EYS: variants seen among roughly 807,000 people sequenced by gnomAD.
The protein encoded by EYS is protein eyes shut homolog.
A neutral mutation model predicts 282.1 loss-of-function variants in EYS; 250 were observed. The observed-to-expected ratio is 0.89, with a 90% confidence interval of 0.80 to 0.98. EYS has a LOEUF of 0.98. EYS is among the 50% of genes least tolerant of loss of function. The pLI, the probability that EYS is intolerant of heterozygous loss-of-function variation, is 0.00. For synonymous variants in EYS, 1,355 were observed against 1,282.9 expected (o/e 1.06, Z -1.20); for missense variants, 4,016 against 3,709.0 (o/e 1.08, Z -2.15).
chr6:65,512,533 T>C (rs1766935499), intron 2 of EYS, among the ~76,000 whole-genome samples: 1 of 151,188 alleles, frequency 6.6e-6, no homozygotes, highest in African/African-American at 2.4e-5. Context: ...AAAGTAATTT[T>C]AATTATAAAA....
At chr6:64,256,627 C>G (rs936993217) in intron 30 of EYS, among the ~76,000 whole-genome samples, 1 of 151,996 alleles carries the variant, frequency 6.6e-6, no homozygotes, top group Non-Finnish European at 1.5e-5. Context: ...TGACGTTCAT[C>G]TGTCCTGTGG....
At chr6:63,880,525 A>ATCTATCTATCTATCTG (rs1371469990) in intron 35 of EYS, among the ~76,000 whole-genome samples, 7 of 151,712 alleles carry the variant, frequency 4.6e-5, no homozygotes, top group African/African-American at 1.7e-4. Flanking sequence ...CTATCTATCT[A>ATCTATCTATCTATCTG]TCTATTCTGT....
intron 26 of EYS, among the ~76,000 whole-genome samples, chr6:64,554,600 G>C (rs1347116058): frequency 1.3e-5 from 2 of 151,750 alleles, no homozygotes; most frequent in Non-Finnish European, 2.9e-5. Flanking sequence ...AACAACTTGT[G>C]GAATAGGAAA....
rs180932580 is a variant in EYS at position 65,467,640 on chromosome 6, T to C, written c.862+22954A>G. Among the ~76,000 whole-genome samples the C allele has an allele frequency of 4.2e-4, 64 of 152,206 alleles. 1 individual carries two copies. The highest frequency in any genetic ancestry group is 3.0e-3 in the Admixed American group (46 of 15,270). Reference sequence around the variant, plus strand: ...TTTATGAGATTTCATGAATTAACAGTATACTGTCTGTTCTCTCCAAATTAT... The same window carrying C: ...TTTATGAGATTTCATGAATTAACAGCATACTGTCTGTTCTCTCCAAATTAT... On this transcript the variant is annotated intron_variant, in intron 5 of 42. Coordinates refer to ENST00000503581, the MANE Select transcript of EYS (RefSeq NM_001142800.2).
intron 33 of EYS, among the ~76,000 whole-genome samples, chr6:64,018,955 A>G (rs1020994038): frequency 4.0e-5 from 6 of 151,714 alleles, no homozygotes; most frequent in African/African-American, 9.7e-5. Context: ...TTATATTTTT[A>G]GTAGAGACGG....
At chr6:64,838,617 T>TACACACACAC (rs56901295) in intron 19 of EYS, among the ~76,000 whole-genome samples, 23,260 of 149,536 alleles carry the variant, frequency 0.16, 1,904 homozygotes, top group South Asian at 0.22. Context: ...TCTGTTTCTC[T>TACACACACAC]ACACACACAC....
chr6:64,885,463 C>T (rs917971444), intron 19 of EYS, among the ~76,000 whole-genome samples: 2 of 151,564 alleles, frequency 1.3e-5, no homozygotes, highest in African/African-American at 4.8e-5. Context: ...TGTGTTGTTT[C>T]TTATTTTAAT....
In EYS at chr6:65,614,113, A is replaced by G. The variant is rs534364870; in HGVS notation, c.-333+25665T>C. ...TTAAATTTCACTTATTTCATTTTCCATTATCTTTAGGTTTATATTATTTCA... is the reference window on the plus strand; with the variant it reads ...TTAAATTTCACTTATTTCATTTTCCGTTATCTTTAGGTTTATATTATTTCA... On this transcript the variant is annotated intron_variant, in intron 2 of 42. Coordinates refer to ENST00000503581, the MANE Select transcript of EYS (RefSeq NM_001142800.2). Among the ~76,000 whole-genome samples the G allele has an allele frequency of 5.5e-4, 83 of 152,118 alleles. 1 individual carries two copies. The highest frequency in any genetic ancestry group is 1.9e-3 in the African/African-American group (78 of 41,572).
At chr6:64,461,475 G>C (rs769587255) in intron 26 of EYS, among the ~76,000 whole-genome samples, 1 of 152,168 alleles carries the variant, frequency 6.6e-6, no homozygotes, top group Non-Finnish European at 1.5e-5. Context: ...AGGTTTAGGA[G>C]AAATGACTAG....
intron 13 of EYS, among the ~76,000 whole-genome samples, chr6:65,041,509 T>A (rs967277450): frequency 6.6e-6 from 1 of 151,766 alleles, no homozygotes; most frequent in African/African-American, 2.4e-5. Flanking sequence ...CTGGATTCAA[T>A]AATGGCTCTG....
chr6:64,701,758 C>T (rs4710486), intron 22 of EYS, among the ~76,000 whole-genome samples: 103,332 of 151,774 alleles, frequency 0.68, 36,219 homozygotes, highest in Middle Eastern at 0.78. Flanking sequence ...ATTCAGGTAA[C>T]GGGTACAGTA....
chr6:64,497,694 C>T (rs1776933609), intron 26 of EYS, among the ~76,000 whole-genome samples: 1 of 151,940 alleles, frequency 6.6e-6, no homozygotes, highest in Admixed American at 6.6e-5. Context: ...CGGAAGGTAT[C>T]CCATTAACCC....
chr6:64,822,956 A>G (rs969949983), intron 19 of EYS, 134 bp from the exon 20 acceptor site: 113 of 664,668 alleles, frequency 1.7e-4, no homozygotes, highest in South Asian at 5.8e-4. Flanking sequence ...TGGTAGCAAA[A>G]GAAAATATAT....
intron 36 of EYS, among the ~76,000 whole-genome samples, chr6:63,858,794 A>T (rs1038005759): frequency 1.3e-4 from 20 of 152,322 alleles, no homozygotes; most frequent in African/African-American, 4.8e-4. Flanking sequence ...AGAAAGCTGG[A>T]TCATATCAGA....
At position 65,622,692 on chromosome 6, in the gene EYS, G is replaced by T. The variant is rs77825673; in HGVS notation, c.-333+17086C>A. Among the ~76,000 whole-genome samples the T allele has an allele frequency of 7.0e-4, 107 of 151,820 alleles. 1 individual carries two copies. The East Asian group carries it at 0.015, about 21-fold the overall frequency. ...CATTGTTAAGATTGTTGCATTTCTT[G>T]AGTTAATCAAGAGTAAGACCACATT... On this transcript the variant is annotated intron_variant, in intron 2 of 42. Transcript: ENST00000503581.
chr6:63,959,045 A>G (rs1765943393), intron 35 of EYS, among the ~76,000 whole-genome samples: 1 of 152,222 alleles, frequency 6.6e-6, no homozygotes, highest in Admixed American at 6.5e-5. Context: ...ATGTAGAAAC[A>G]CTTTTTGTAG....
At chr6:65,459,971 TATATATATATATA>T (rs1764764174) in intron 5 of EYS, among the ~76,000 whole-genome samples, 4 of 17,256 alleles carry the variant, frequency 2.3e-4, no homozygotes, top group African/African-American at 1.1e-3. Flanking sequence ...GTGTATTTTA[TATATATATATATA>T]TATATATATA....
intron 8 of EYS, among the ~76,000 whole-genome samples, chr6:65,356,412 C>T (rs1476576861): frequency 1.3e-5 from 2 of 151,912 alleles, no homozygotes; most frequent in East Asian, 1.9e-4. Context: ...TCTGTAACAA[C>T]CTTGAGAGAG....
intron 40 of EYS, among the ~76,000 whole-genome samples, chr6:63,772,166 G>C (rs1036060439): frequency 2.3e-4 from 34 of 147,680 alleles, no homozygotes; most frequent in Admixed American, 2.2e-3. Context: ...AAAAAAGAAA[G>C]ATTTTTTTTT....
Sources: allele counts gnomAD v4.1 joint callset (sites outside exome capture counted in the v4.1 genomes callset), GRCh38; gene constraint gnomAD v4.1.1; transcripts MANE v1.5; gene names NCBI Gene and HGNC (gene_info 2026-07-23, HGNC 2026-07-21).